Variants in OR56A3 observed in about 807,000 individuals in gnomAD.
OR56A3 encodes the protein olfactory receptor family 56 subfamily A member 3, also known as olfactory receptor 56A3.
OR56A3 carries 23 observed loss-of-function variants against 17.5 expected under a neutral mutation model. That is an observed-to-expected ratio of 1.32 (90% confidence interval 0.95 to 1.87). The LOEUF (loss-of-function observed/expected upper bound fraction) is 1.87. Ranked by LOEUF, OR56A3 falls within the 40% of genes most tolerant of loss-of-function variation. The probability of loss-of-function intolerance (pLI) is 0.00; values close to 1 mark genes in which losing one functional copy is unlikely to be tolerated. For synonymous variants in OR56A3, 175 were observed against 150.6 expected, an observed-to-expected ratio of 1.16 and a Z score of -1.19; for missense variants, 366 against 380.1, an observed-to-expected ratio of 0.96 and a Z score of 0.31.
In OR56A3 at chr11:5,947,512, G is replaced by A. The variant is rs769710737; in HGVS notation, c.166G>A (p.Glu56Lys). 1 of 1,613,930 alleles carries A rather than the reference G, an allele frequency of 6.2e-7. No individual in the cohort carries two copies. The highest frequency in any genetic ancestry group is 8.5e-7 in the Non-Finnish European group (1 of 1,179,900). Residue 56 changes from glutamate to lysine, a missense_variant, in exon 3 of 3, where the codon GAG becomes AAG. Physicochemically the swap from Glu to Lys is moderately conservative, Grantham distance 56. Transcript: ENST00000641160. Reference sequence around the variant, plus strand: ...CACCCTCCTGATGACCATCTGGCTGGAGGCCTCTCTGCACCAGCCCCTGTA... The same window carrying A: ...CACCCTCCTGATGACCATCTGGCTGAAGGCCTCTCTGCACCAGCCCCTGTA... ...NTTLLMTIWL[E>K]ASLHQPLYYL...
At chr11:6,015,014 A>AAAAAAAAAAAAAAAAAAAAAAG in the OR56A3 span, among the ~76,000 whole-genome samples, 1 of 150,614 alleles carries the variant, frequency 6.6e-6, no homozygotes, top group Non-Finnish European at 1.5e-5. Context: ...AAAAAAAAAA[A>AAAAAAAAAAAAAAAAAAAAAAG]ATGACCTGAA....
the OR56A3 span, among the ~76,000 whole-genome samples, chr11:5,983,763 T>C: frequency 6.6e-6 from 1 of 152,212 alleles, no homozygotes; most frequent in East Asian, 1.9e-4. Context: ...GCAGAGATCA[T>C]TGGGAGCAAT....
At chr11:6,015,163 C>A in the OR56A3 span, among the ~76,000 whole-genome samples, 1 of 152,046 alleles carries the variant, frequency 6.6e-6, no homozygotes, top group Non-Finnish European at 1.5e-5. Context: ...TAAAAAGAAA[C>A]CAAGTGCTAA....
the OR56A3 span, among the ~76,000 whole-genome samples, chr11:6,005,566 G>T: frequency 1.3e-5 from 2 of 152,040 alleles, no homozygotes; most frequent in Admixed American, 6.5e-5. Context: ...AATAGATGGT[G>T]TCTTAGACCA....
the OR56A3 span, among the ~76,000 whole-genome samples, chr11:5,957,377 A>G: frequency 6.6e-6 from 1 of 152,266 alleles, no homozygotes; most frequent in Admixed American, 6.5e-5. Flanking sequence ...TTCTTAATCT[A>G]TCTCATAAGC....
At chr11:6,013,397 A>T in the OR56A3 span, among the ~76,000 whole-genome samples, 2 of 151,996 alleles carry the variant, frequency 1.3e-5, no homozygotes, top group African/African-American at 4.8e-5. Context: ...TGTTGGGGGG[A>T]TCCTCCAGGA....
the OR56A3 span, chr11:5,986,503 G>T: frequency 6.2e-7 from 1 of 1,613,784 alleles, no homozygotes; most frequent in African/African-American, 1.3e-5. Flanking sequence ...GTGACAAATG[G>T]CTACATAGCG....
the OR56A3 span, chr11:6,002,240 G>A: frequency 6.2e-7 from 1 of 1,614,154 alleles, no homozygotes; most frequent in African/African-American, 1.3e-5. Context: ...TGAAGAAGAG[G>A]ATGAGGATGA....
At chr11:5,946,528 T>C (rs1212810160) in intron 2 of OR56A3, among the ~76,000 whole-genome samples, 1 of 152,164 alleles carries the variant, frequency 6.6e-6, no homozygotes, top group Non-Finnish European at 1.5e-5. Flanking sequence ...AAAGGTGAAC[T>C]TCGTCACCCT....
the OR56A3 span, chr11:6,002,118 G>A: frequency 1.9e-6 from 3 of 1,613,556 alleles, no homozygotes; most frequent in Non-Finnish European, 2.5e-6. Context: ...ATAAACAATG[G>A]GGTTCAGAGC....
At chr11:5,953,751 T>C (rs1847919655), downstream of OR56A3, among the ~76,000 whole-genome samples, 1 of 152,230 alleles carries the variant, frequency 6.6e-6, no homozygotes, top group Admixed American at 6.5e-5. Context: ...CTCTATTTTG[T>C]ATTTATGAAG....
At chr11:6,002,385 A>G in the OR56A3 span, 7 of 1,614,108 alleles carry the variant, frequency 4.3e-6, no homozygotes, top group Non-Finnish European at 5.1e-6. Context: ...GCCTGCCACA[A>G]ACTGGTAGAG....
the OR56A3 span, chr11:6,021,138 CT>C: frequency 1.3e-5 from 2 of 151,970 alleles, no homozygotes; most frequent in Non-Finnish European, 2.9e-5. Flanking sequence ...TAAGAAAATC[CT>C]TTGAGTGTGA....
In OR56A3 at chr11:5,947,486, C is replaced by A. The variant is rs780581883; in HGVS notation, c.140C>A (p.Thr47Asn). ...TTCCTCTTGGCCGTAGGGGCCAACA[C>A]CACCCTCCTGATGACCATCTGGCTG... is the stretch of plus-strand genomic sequence containing the variant. ...LLFLLAVGAN[T>N]TLLMTIWLEA... The change falls in exon 3 of 3, where the codon ACC (threonine) becomes AAC (asparagine). Residue 47 changes from threonine (T) to asparagine (N), a missense_variant. By Grantham distance (65) the Thr-to-Asn change is moderately conservative (BLOSUM62 0). Coordinates refer to ENST00000641160, the MANE Select transcript of OR56A3 (RefSeq NM_001003443.3). 1 of 1,614,036 alleles carries A rather than the reference C, an allele frequency of 6.2e-7. No homozygotes were observed. The highest frequency in any genetic ancestry group is 8.5e-7 in the Non-Finnish European group (1 of 1,179,920).
chr11:5,947,958 T>C lies in OR56A3; in HGVS notation c.612T>C (p.Phe204=), dbSNP rs1847883124. The change falls in exon 3 of 3, where the codon TTT becomes TTC. Residue 204 remains phenylalanine (F), a synonymous_variant. Coordinates refer to ENST00000641160, the MANE Select transcript of OR56A3 (RefSeq NM_001003443.3). Reference sequence around the variant, plus strand: ...TCACCATCAATCACCTTTACCAATTTGCTGGAGGCTGGACTCTGCTAGGAT... The same window carrying C: ...TCACCATCAATCACCTTTACCAATTCGCTGGAGGCTGGACTCTGCTAGGAT... ...DDVTINHLYQ[F]AGGWTLLGSD... 6.2e-7 allele frequency: 1 copy of C among 1,614,222 alleles called. No homozygotes were observed. Among genetic ancestry groups the C allele is most frequent in the African/African-American group, 1.3e-5 (1 of 75,068 alleles).
chr11:5,969,194 G>C, the OR56A3 span, among the ~76,000 whole-genome samples: 2 of 152,114 alleles, frequency 1.3e-5, no homozygotes, highest in Admixed American at 1.3e-4. Flanking sequence ...AGAAAGATAG[G>C]CTCAAAGGTT....
the OR56A3 span, among the ~76,000 whole-genome samples, chr11:5,966,613 T>C: frequency 3.3e-5 from 5 of 152,008 alleles, no homozygotes; most frequent in African/African-American, 1.2e-4. Context: ...GGATAAAAAT[T>C]GCAAAGTGTA....
chr11:6,007,919 G>A, the OR56A3 span, among the ~76,000 whole-genome samples: 1 of 152,086 alleles, frequency 6.6e-6, no homozygotes, highest in African/African-American at 2.4e-5. Context: ...TCATGCTCAT[G>A]GTGTCATGTC....
chr11:5,963,474 G>GT, the OR56A3 span, among the ~76,000 whole-genome samples: 102 of 150,312 alleles, frequency 6.8e-4, no homozygotes, highest in South Asian at 1.5e-3. Context: ...ATTTTTTGGT[G>GT]TTTTTTTTTA....
Sources: allele counts gnomAD v4.1 joint callset (sites outside exome capture counted in the v4.1 genomes callset), GRCh38; gene constraint gnomAD v4.1.1; transcripts MANE v1.5; gene names NCBI Gene and HGNC (gene_info 2026-07-23, HGNC 2026-07-21).